RBFOX1: variants seen among roughly 807,000 people sequenced by gnomAD.
The protein encoded by RBFOX1 is RNA binding protein fox-1 homolog 1.
Under a neutral mutation model 57.7 loss-of-function variants are expected in RBFOX1, and 8 were observed. The observed-to-expected ratio is 0.14, with a 90% CI of 0.08 to 0.25. The LOEUF is 0.25. RBFOX1 is among the 10% of genes least tolerant of loss of function. The probability of loss-of-function intolerance (pLI) is 1.00; values close to 1 mark genes in which losing one functional copy is unlikely to be tolerated. For missense variants in RBFOX1, 611 were observed against 548.5 expected, an observed-to-expected ratio of 1.11 and a Z score of -1.14; for synonymous variants, 326 against 222.4, an observed-to-expected ratio of 1.47 and a Z score of -4.15.
At position 6,961,356 on chromosome 16, in the gene RBFOX1, G is replaced by T. The variant is rs527732144; in HGVS notation, c.-15-90701G>T. 5.9e-5 allele frequency among the ~76,000 whole-genome samples: 9 copies of T among 152,228 alleles called. No homozygotes were observed. The East Asian group carries it at 1.4e-3, about 23-fold the overall frequency. The stretch of plus-strand genomic sequence containing the variant: ...TGGGTCCCTGCGTCCACTCCAGACC[G>T]TGTTCAAACTGTAGTAATTTCCCAG... On this transcript the variant is annotated intron_variant, in intron 3 of 15. Transcript: ENST00000550418.
Position 7,425,915 on chromosome 16 carries a change from C to G in RBFOX1, c.28-92232C>G, listed in dbSNP as rs139355316. On this transcript the variant is annotated intron_variant, in intron 4 of 15. Coordinates refer to ENST00000550418, the MANE Select transcript of RBFOX1 (RefSeq NM_018723.4). ...ATGTATCATTTTTTCCCCATAAAGCCTCCTCCCAGATTCTCCTCAGTGTTT... is the reference window on the plus strand; with the variant it reads ...ATGTATCATTTTTTCCCCATAAAGCGTCCTCCCAGATTCTCCTCAGTGTTT... 1.5e-4 allele frequency among the ~76,000 whole-genome samples: 23 copies of G among 152,284 alleles called. No individual in the cohort carries two copies. The East Asian group carries it at 1.7e-3, about 11-fold the overall frequency.
intron 4 of RBFOX1, among the ~76,000 whole-genome samples, chr16:7,274,389 G>C (rs1169010207): frequency 1.3e-5 from 2 of 152,096 alleles, no homozygotes; most frequent in African/African-American, 4.8e-5. Context: ...ATAAAGAAGA[G>C]ATGAAACTGT....
At chr16:7,029,299 C>T (rs138001702) in intron 3 of RBFOX1, among the ~76,000 whole-genome samples, 8 of 138,574 alleles carry the variant, frequency 5.8e-5, no homozygotes, top group African/African-American at 1.6e-4. Context: ...TATATATATA[C>T]GTATATGTAT....
At chr16:6,114,763 T>C (rs1597431376) in intron 1 of RBFOX1, among the ~76,000 whole-genome samples, 1 of 152,282 alleles carries the variant, frequency 6.6e-6, no homozygotes, top group South Asian at 2.1e-4. Context: ...AAGTTGGGGC[T>C]TAGCCTGGGA....
chr16:6,026,544 G>A (rs1051311405), intron 1 of RBFOX1, among the ~76,000 whole-genome samples: 2 of 152,222 alleles, frequency 1.3e-5, no homozygotes, highest in Non-Finnish European at 2.9e-5. Flanking sequence ...ACAAGGGAGG[G>A]TGGGAGGCAA....
rs903625871 is a variant in RBFOX1, at chr16:6,481,921, G to GA, written c.-64+164873dup. ...TTAAAAACACTCTTAATGCACAGAA[G>GA]AAAAAAAAATCCCTCCTCGTTTTGT... On this transcript the variant is annotated intron_variant, in intron 2 of 15. Coordinates refer to ENST00000550418, the MANE Select transcript of RBFOX1 (RefSeq NM_018723.4). 3.2e-4 allele frequency among the ~76,000 whole-genome samples: 48 copies of GA among 151,268 alleles called. No homozygotes were observed. The East Asian group carries it at 4.5e-3, about 14-fold the overall frequency.
chr16:7,267,530 T>C (rs925457961), intron 4 of RBFOX1, among the ~76,000 whole-genome samples: 25 of 151,788 alleles, frequency 1.6e-4, no homozygotes, highest in African/African-American at 5.1e-4. Flanking sequence ...AGTGAGACTC[T>C]ATCTCGACAA....
At chr16:6,992,837 C>CAAAAAAAA (rs3048923) in intron 3 of RBFOX1, among the ~76,000 whole-genome samples, 4 of 118,560 alleles carry the variant, frequency 3.4e-5, no homozygotes, top group Non-Finnish European at 6.8e-5. Flanking sequence ...CTTCCTTTTC[C>CAAAAAAAA]AAAAAAAAAA....
chr16:6,050,014 G>A (rs999396142), intron 1 of RBFOX1, among the ~76,000 whole-genome samples: 90 of 150,030 alleles, frequency 6.0e-4, no homozygotes, highest in African/African-American at 2.1e-3. Context: ...GGGGTACAGC[G>A]GCGTGATCTC....
intron 1 of RBFOX1, among the ~76,000 whole-genome samples, chr16:5,464,761 C>T (rs548456901): frequency 3.3e-5 from 5 of 152,086 alleles, no homozygotes; most frequent in Non-Finnish European, 7.4e-5. Context: ...GCTTTGGGTG[C>T]GTTTCTGAGT....
chr16:5,997,453 C>A (rs2060510814), intron 4 of RBFOX1, among the ~76,000 whole-genome samples: 1 of 152,192 alleles, frequency 6.6e-6, no homozygotes, highest in Non-Finnish European at 1.5e-5. Flanking sequence ...TAACCACATG[C>A]TAGCTCTGTG....
intron 3 of RBFOX1, among the ~76,000 whole-genome samples, chr16:5,732,211 A>C (rs532726295): frequency 1.3e-5 from 2 of 152,226 alleles, no homozygotes; most frequent in African/African-American, 4.8e-5. Flanking sequence ...TTCAGCATCT[A>C]TGAAATAGGG....
chr16:6,208,496 G>A (rs746389983), intron 1 of RBFOX1, among the ~76,000 whole-genome samples: 6 of 152,118 alleles, frequency 3.9e-5, no homozygotes, highest in Non-Finnish European at 7.4e-5. Flanking sequence ...CCCCTTTGGA[G>A]GTCAAGGCTT....
intron 2 of RBFOX1, among the ~76,000 whole-genome samples, chr16:6,625,156 CT>C (rs1157936555): frequency 1.2e-4 from 3 of 24,030 alleles, no homozygotes; most frequent in Non-Finnish European, 2.3e-4. Context: ...CCAACCCTAT[CT>C]AAAAAAAAAA....
At chr16:7,059,437 G>A (rs1362311669) in intron 4 of RBFOX1, among the ~76,000 whole-genome samples, 1 of 152,080 alleles carries the variant, frequency 6.6e-6, no homozygotes, top group African/African-American at 2.4e-5. Flanking sequence ...ACTGTGCTAG[G>A]CAGTAGAGGT....
chr16:7,277,099 A>C (rs765943335), intron 4 of RBFOX1, among the ~76,000 whole-genome samples: 1 of 152,228 alleles, frequency 6.6e-6, no homozygotes, highest in Admixed American at 6.5e-5. Context: ...TTAAAGAAAG[A>C]TAATTGATCC....
chr16:5,895,312 A>G (rs1184058110), intron 4 of RBFOX1, among the ~76,000 whole-genome samples: 7 of 152,192 alleles, frequency 4.6e-5, no homozygotes, highest in Non-Finnish European at 7.3e-5. Context: ...CTTGTAGAAA[A>G]TCCCAGGAAA....
intron 4 of RBFOX1, among the ~76,000 whole-genome samples, chr16:7,285,542 C>T (rs1409766478): frequency 4.6e-5 from 7 of 152,106 alleles, no homozygotes; most frequent in African/African-American, 1.4e-4. Context: ...ACAACCACCC[C>T]CGCCCCCACT....
At position 5,780,594 on chromosome 16, in the gene RBFOX1, A is replaced by G. The variant is rs60075418; in HGVS notation, c.319-86709A>G. Among the ~76,000 whole-genome samples the G allele has an allele frequency of 4.5e-3, 688 of 152,308 alleles. 4 individuals carry two copies. The highest frequency in any genetic ancestry group is 0.015 in the African/African-American group (631 of 41,568). On this transcript the variant is annotated intron_variant, in intron 3 of 19. Transcript: ENST00000641259. ...AAAAAATCACAGTCCTAATATTCAC[A>G]ATGTTGAATTTCCTGGGGAGACAGA... is the stretch of plus-strand genomic sequence containing the variant.
Sources: allele counts gnomAD v4.1 joint callset (sites outside exome capture counted in the v4.1 genomes callset), GRCh38; gene constraint gnomAD v4.1.1; transcripts MANE v1.5; gene names NCBI Gene and HGNC (gene_info 2026-07-23, HGNC 2026-07-21).